DYNC1I1: variants seen among roughly 807,000 people sequenced by gnomAD.
DYNC1I1 encodes the protein dynein cytoplasmic 1 intermediate chain 1.
DYNC1I1 carries 43 observed loss-of-function variants against 86.6 expected under a neutral mutation model. The observed-to-expected ratio is 0.50, with a 90% CI of 0.39 to 0.64. The LOEUF is 0.64. Ranked by LOEUF, DYNC1I1 falls within the 30% of genes least tolerant of loss-of-function variation. The pLI, the probability that DYNC1I1 is intolerant of heterozygous loss-of-function variation, is 0.00. For missense variants in DYNC1I1, 604 were observed against 788.8 expected (o/e 0.77, Z 2.81); for synonymous variants, 262 against 283.7 (o/e 0.92, Z 0.77).
intron 6 of DYNC1I1, among the ~76,000 whole-genome samples, chr7:95,883,241 T>C: frequency 6.6e-6 from 1 of 152,234 alleles, no homozygotes; most frequent in East Asian, 1.9e-4. Context: ...TGTGAACTTT[T>C]TGGATGTGTC....
intron 6 of DYNC1I1, among the ~76,000 whole-genome samples, chr7:95,963,978 A>G (rs1792939449): frequency 6.6e-6 from 1 of 152,158 alleles, no homozygotes; most frequent in Admixed American, 6.6e-5. Flanking sequence ...TTTATAATTA[A>G]TAGAAAATTA....
chr7:96,056,573 A>T (rs938962607), intron 14 of DYNC1I1, among the ~76,000 whole-genome samples: 1 of 152,054 alleles, frequency 6.6e-6, no homozygotes, highest in African/African-American at 2.4e-5. Context: ...TCTACCCAAA[A>T]TATACTTTTC....
intron 5 of DYNC1I1, among the ~76,000 whole-genome samples, chr7:95,862,672 C>A (rs1416309847): frequency 6.6e-6 from 1 of 152,120 alleles, no homozygotes; most frequent in Non-Finnish European, 1.5e-5. Context: ...TATATAATCA[C>A]CTGCCATGTG....
intron 16 of DYNC1I1, among the ~76,000 whole-genome samples, chr7:96,104,231 A>G (rs1791181179): frequency 6.6e-6 from 1 of 152,160 alleles, no homozygotes; most frequent in East Asian, 1.9e-4. Context: ...GCTTTTAAAA[A>G]TTATTAATTT....
At chr7:95,795,915 A>G (rs1252918911) in intron 1 of DYNC1I1, among the ~76,000 whole-genome samples, 1 of 151,766 alleles carries the variant, frequency 6.6e-6, no homozygotes, top group East Asian at 1.9e-4. Context: ...AGTAAAATGA[A>G]TTAAAAATGC....
intron 1 of DYNC1I1, among the ~76,000 whole-genome samples, chr7:95,788,872 T>A (rs1271369474): frequency 6.6e-6 from 1 of 152,246 alleles, no homozygotes; most frequent in Non-Finnish European, 1.5e-5. Context: ...GATGTATTCA[T>A]GTAAATTATT....
At chr7:96,015,579 C>T (rs1794380954) in intron 10 of DYNC1I1, among the ~76,000 whole-genome samples, 1 of 152,040 alleles carries the variant, frequency 6.6e-6, no homozygotes, top group Non-Finnish European at 1.5e-5. Flanking sequence ...GTTATTTTGT[C>T]CTTTTAAAAA....
rs75748350 is a variant in DYNC1I1, at chr7:95,980,852, A to C, written c.580+3251A>C. On this transcript the variant is annotated intron_variant, in intron 7 of 16. Coordinates refer to ENST00000447467, the MANE Select transcript of DYNC1I1 (RefSeq NM_001135556.2). ...GGAACCTAACATTTTTGTAAATACA[A>C]ATCAACTCATAAACCTCACATTGAC... 1.9e-4 allele frequency among the ~76,000 whole-genome samples: 29 copies of C among 152,224 alleles called. No individual in the cohort carries two copies. In the East Asian group the frequency reaches 5.2e-3, roughly 27 times the overall value.
chr7:95,955,425 C>A (rs2116492155), intron 6 of DYNC1I1, among the ~76,000 whole-genome samples: 1 of 152,172 alleles, frequency 6.6e-6, no homozygotes, highest in Non-Finnish European at 1.5e-5. Flanking sequence ...TGGGTGCAAG[C>A]AATTCTCCCA....
intron 14 of DYNC1I1, among the ~76,000 whole-genome samples, chr7:96,058,895 C>T (rs1057201856): frequency 2.0e-5 from 3 of 150,166 alleles, no homozygotes; most frequent in East Asian, 2.0e-4. Flanking sequence ...CCACCAGCCT[C>T]GGCCTCTCAA....
chr7:96,085,954 A>G (rs1176299220), intron 16 of DYNC1I1, among the ~76,000 whole-genome samples: 1 of 152,186 alleles, frequency 6.6e-6, no homozygotes, highest in Non-Finnish European at 1.5e-5. Context: ...TGATGTATGA[A>G]CACACATTTT....
At chr7:96,020,764 G>A (rs972052294) in intron 10 of DYNC1I1, among the ~76,000 whole-genome samples, 4 of 152,072 alleles carry the variant, frequency 2.6e-5, no homozygotes, top group East Asian at 1.9e-4. Flanking sequence ...TGAATGAATC[G>A]ATAAAACCAG....
intron 1 of DYNC1I1, among the ~76,000 whole-genome samples, chr7:95,798,375 G>T (rs1048893400): frequency 1.3e-5 from 2 of 151,824 alleles, no homozygotes; most frequent in African/African-American, 4.8e-5. Context: ...GGCTCACGGT[G>T]GTCGTCTGTA....
At chr7:96,027,736 T>C (rs1794714809) in intron 10 of DYNC1I1, among the ~76,000 whole-genome samples, 1 of 152,142 alleles carries the variant, frequency 6.6e-6, no homozygotes, top group African/African-American at 2.4e-5. Flanking sequence ...TACTCTGCCT[T>C]TACCAACACT....
At chr7:95,836,655 C>A (rs1789101692) in intron 5 of DYNC1I1, among the ~76,000 whole-genome samples, 1 of 152,040 alleles carries the variant, frequency 6.6e-6, no homozygotes. Flanking sequence ...TTCTTGGAGG[C>A]TTTGCTCATT....
chr7:95,828,146 T>C (rs1338501107), intron 5 of DYNC1I1, 30 bp downstream of exon 5: 1 of 1,612,350 alleles, frequency 6.2e-7, no homozygotes, highest in Admixed American at 1.7e-5. Flanking sequence ...TTACTCCTTT[T>C]ATTATTTCTT....
intron 14 of DYNC1I1, among the ~76,000 whole-genome samples, chr7:96,067,697 G>A (rs1251719364): frequency 6.6e-6 from 1 of 152,120 alleles, no homozygotes; most frequent in African/African-American, 2.4e-5. Flanking sequence ...ACACTTTTGA[G>A]ACTTGAAATT....
intron 15 of DYNC1I1, among the ~76,000 whole-genome samples, chr7:96,077,109 T>A (rs1446059915): frequency 1.3e-5 from 2 of 152,156 alleles, no homozygotes; most frequent in African/African-American, 4.8e-5. Flanking sequence ...GAACAAGTGC[T>A]GCGAACTATA....
At chr7:96,055,349 G>C (rs962401603) in intron 14 of DYNC1I1, among the ~76,000 whole-genome samples, 3 of 151,328 alleles carry the variant, frequency 2.0e-5, no homozygotes, top group Non-Finnish European at 4.4e-5. Flanking sequence ...CATGGCATGG[G>C]TATACCTATG....
Sources: gnomAD v4.1 joint callset for allele counts (sites outside exome capture counted in the v4.1 genomes callset) on GRCh38, gnomAD v4.1.1 for gene constraint, MANE v1.5 for transcripts, NCBI Gene and HGNC (gene_info 2026-07-23, HGNC 2026-07-21) for gene names.